ZRANB3: variants seen among roughly 807,000 people sequenced by gnomAD.
The protein encoded by ZRANB3 is zinc finger RANBP2-type containing 3.
A neutral mutation model predicts 133.8 loss-of-function variants in ZRANB3; 125 were observed. The observed-to-expected ratio is 0.93, with a 90% CI of 0.81 to 1.08. ZRANB3 has a LOEUF of 1.08. ZRANB3 is among the 50% of genes least tolerant of loss of function. ZRANB3 has a pLI of 0.00. For missense variants in ZRANB3, 1,229 were observed against 1,275.5 expected (o/e 0.96, Z 0.56); for synonymous variants, 387 against 432.7 (o/e 0.89, Z 1.31).
At chr2:135,415,629 C>G (rs1307887305) in intron 2 of ZRANB3, among the ~76,000 whole-genome samples, 1 of 152,156 alleles carries the variant, frequency 6.6e-6, no homozygotes, top group Non-Finnish European at 1.5e-5. Flanking sequence ...CATCCTGATA[C>G]CAAAGCTGGG....
chr2:135,461,382 C>T (rs1354289745), intron 2 of ZRANB3, among the ~76,000 whole-genome samples: 1 of 152,132 alleles, frequency 6.6e-6, no homozygotes, highest in Non-Finnish European at 1.5e-5. Context: ...CCAGCCTGAT[C>T]AACGTGGAGA....
rs184650832 is a variant in ZRANB3, at chr2:135,376,973, T to C, written c.180+13829A>G. 1.5e-3 allele frequency among the ~76,000 whole-genome samples: 229 copies of C among 152,246 alleles called. 1 individual carries two copies. Among genetic ancestry groups the C allele is most frequent in the African/African-American group, 5.2e-3 (216 of 41,542 alleles). On this transcript the variant is annotated intron_variant, in intron 3 of 20. Coordinates refer to ENST00000264159, the MANE Select transcript of ZRANB3 (RefSeq NM_032143.4). ...GAATAAGGTGCTGACCTGAGTAACATTGGAAATGAATGGAGTCTATAAGAA... is the reference window on the plus strand; with the variant it reads ...GAATAAGGTGCTGACCTGAGTAACACTGGAAATGAATGGAGTCTATAAGAA...
chr2:135,237,238 G>A (rs1171334372), intron 12 of ZRANB3, among the ~76,000 whole-genome samples: 10 of 150,410 alleles, frequency 6.6e-5, no homozygotes, highest in African/African-American at 2.5e-4. Flanking sequence ...AAACCACAAT[G>A]AGATACCATC....
At chr2:135,526,308 T>A (rs1329071749) in intron 1 of ZRANB3, among the ~76,000 whole-genome samples, 1 of 151,816 alleles carries the variant, frequency 6.6e-6, no homozygotes, top group African/African-American at 2.4e-5. Context: ...GGATTACAGG[T>A]GCCCGCCACC....
chr2:135,473,206 G>T (rs1187703883), intron 2 of ZRANB3, among the ~76,000 whole-genome samples: 1 of 152,024 alleles, frequency 6.6e-6, no homozygotes, highest in Non-Finnish European at 1.5e-5. Flanking sequence ...CTGTTTCTAT[G>T]AACTTGAATA....
intron 2 of ZRANB3, among the ~76,000 whole-genome samples, chr2:135,395,330 C>T (rs1387832407): frequency 6.6e-6 from 1 of 150,760 alleles, no homozygotes; most frequent in Non-Finnish European, 1.5e-5. Flanking sequence ...TCACCGTAAA[C>T]AAAAATCAAA....
At chr2:135,512,362 T>A (rs1693504011) in intron 1 of ZRANB3, among the ~76,000 whole-genome samples, 1 of 152,150 alleles carries the variant, frequency 6.6e-6, no homozygotes, top group Non-Finnish European at 1.5e-5. Flanking sequence ...TAAAATACAC[T>A]ACCTAGAGAC....
intron 18 of ZRANB3, 60 bp downstream of exon 18, chr2:135,208,808 T>C (rs915606833): frequency 8.6e-6 from 12 of 1,395,634 alleles, no homozygotes; most frequent in African/African-American, 2.9e-5. Context: ...TGAAAATCAA[T>C]ACATAAATGT....
intron 3 of ZRANB3, among the ~76,000 whole-genome samples, chr2:135,375,783 G>A (rs1483693847): frequency 1.3e-5 from 2 of 151,722 alleles, no homozygotes; most frequent in African/African-American, 4.8e-5. Context: ...TGAACCCCGG[G>A]AGACGGAGGT....
intron 12 of ZRANB3, chr2:135,238,861 C>G (rs1255099747): frequency 6.6e-6 from 1 of 152,238 alleles, no homozygotes; most frequent in African/African-American, 2.4e-5. Context: ...TCCCAGGTGA[C>G]AGACAGCACC....
intron 2 of ZRANB3, among the ~76,000 whole-genome samples, chr2:135,425,366 T>C (rs1469318784): frequency 1.3e-5 from 2 of 152,146 alleles, no homozygotes; most frequent in Non-Finnish European, 2.9e-5. Context: ...TCTGAAAGTA[T>C]TGAGAAGAGA....
chr2:135,336,455 T>C (rs1234131294), intron 6 of ZRANB3, among the ~76,000 whole-genome samples: 2 of 152,160 alleles, frequency 1.3e-5, no homozygotes, highest in Non-Finnish European at 2.9e-5. Flanking sequence ...TGGAAAAATA[T>C]ATAGCACTCC....
At chr2:135,235,900 C>T (rs1389168003) in intron 12 of ZRANB3, among the ~76,000 whole-genome samples, 2 of 151,680 alleles carry the variant, frequency 1.3e-5, no homozygotes, top group African/African-American at 4.8e-5. Flanking sequence ...CCCTGTCTCA[C>T]CACTCCTATT....
chr2:135,406,578 T>A (rs546892993), intron 2 of ZRANB3, among the ~76,000 whole-genome samples: 1 of 152,260 alleles, frequency 6.6e-6, no homozygotes, highest in African/African-American at 2.4e-5. Flanking sequence ...CTCAATAAAA[T>A]ACTGGCAAAC....
rs776303437 is a variant in ZRANB3, at chr2:135,269,021, G to C, written c.1327C>G (p.His443Asp). The C allele has an allele frequency of 3.2e-5, 52 of 1,612,300 alleles. No homozygotes were observed. The highest frequency in any genetic ancestry group is 8.4e-5 in the Admixed American group (5 of 59,764). Reference protein sequence around the residue: ...RIGQCSSVNIHYLIANGTLDT... With the variant: ...RIGQCSSVNIDYLIANGTLDT... ...AGGGTTCCATTTGCAATAAGGTAGTGAATATTCACAGAACTGCACTGGCCA... is the reference window on the plus strand; with the variant it reads ...AGGGTTCCATTTGCAATAAGGTAGTCAATATTCACAGAACTGCACTGGCCA... The change falls in exon 11 of 21, where the codon CAC becomes GAC. Residue 443 changes from histidine to aspartate, a missense_variant. His to Asp is a moderately conservative substitution (Grantham distance 81). Transcript: ENST00000264159.
At chr2:135,482,930 C>T (rs1373566515) in intron 2 of ZRANB3, among the ~76,000 whole-genome samples, 2 of 151,754 alleles carry the variant, frequency 1.3e-5, no homozygotes, top group African/African-American at 2.4e-5. Flanking sequence ...TATTGATTTG[C>T]ATATATTGAA....
At chr2:135,295,300 C>T (rs975116433) in intron 8 of ZRANB3, among the ~76,000 whole-genome samples, 14 of 152,220 alleles carry the variant, frequency 9.2e-5, no homozygotes, top group African/African-American at 3.4e-4. Context: ...GTTAGCTCTT[C>T]TTGTTGAATT....
intron 2 of ZRANB3, among the ~76,000 whole-genome samples, chr2:135,404,730 C>T (rs1364916262): frequency 1.3e-5 from 2 of 152,172 alleles, no homozygotes; most frequent in East Asian, 3.8e-4. Context: ...CAAAGGGAAG[C>T]CCATTAGACT....
At chr2:135,364,244 A>G (rs2104890858) in intron 3 of ZRANB3, among the ~76,000 whole-genome samples, 1 of 152,292 alleles carries the variant, frequency 6.6e-6, no homozygotes, top group South Asian at 2.1e-4. Flanking sequence ...TGGGAAAAAA[A>G]TCTTAGCTTT....
Sources: allele counts gnomAD v4.1 joint callset (sites outside exome capture counted in the v4.1 genomes callset), GRCh38; gene constraint gnomAD v4.1.1; transcripts MANE v1.5; gene names NCBI Gene and HGNC (gene_info 2026-07-23, HGNC 2026-07-21).